CRTAC1: variants seen among roughly 807,000 people sequenced by gnomAD.
CRTAC1 encodes the protein acidic secreted protein in cartilage.
CRTAC1 carries 37 observed loss-of-function variants against 67.8 expected under a neutral mutation model. The ratio of observed to expected loss-of-function variants is 0.55; its 90% CI spans 0.42 to 0.72. The LOEUF is 0.72. Among genes scored for constraint, CRTAC1 ranks in the 30% least tolerant of loss-of-function variants. The pLI, the probability that CRTAC1 is intolerant of heterozygous loss-of-function variation, is 0.00. For synonymous variants in CRTAC1, 348 were observed against 371.0 expected (o/e 0.94, Z 0.71); for missense variants, 780 against 931.6 (o/e 0.84, Z 2.12).
chr10:97,907,997 G>A lies in CRTAC1; in HGVS notation c.850+16C>T. 2 of 1,613,748 alleles carry A rather than the reference G, an allele frequency of 1.2e-6. No individual in the cohort carries two copies. Among genetic ancestry groups the A allele is most frequent in the African/African-American group, 2.7e-5 (2 of 75,040 alleles). On this transcript the variant is annotated intron_variant, in intron 6 of 14. Transcript: ENST00000370597. ...TGAGGGGTCAGGGTGCACAGGGCAT[G>A]GCTGCCTCCACTCACCAGCACTGGC...
intron 11 of CRTAC1, among the ~76,000 whole-genome samples, chr10:97,894,708 TTACATATATATATATATATATATATA>T (rs1173940417): frequency 6.5e-4 from 26 of 39,990 alleles, no homozygotes; most frequent in African/African-American, 1.7e-3. Flanking sequence ...CCTGATGCTT[TTACATATATATATATATATATATATA>T]TATATATATA....
intron 1 of CRTAC1, among the ~76,000 whole-genome samples, chr10:98,017,601 A>G (rs771782901): frequency 1.3e-5 from 2 of 152,016 alleles, no homozygotes; most frequent in Non-Finnish European, 2.9e-5. Flanking sequence ...TAGCATGATC[A>G]TAGCTCACTG....
At chr10:97,935,845 G>A (rs2051077692) in intron 3 of CRTAC1, among the ~76,000 whole-genome samples, 1 of 152,196 alleles carries the variant, frequency 6.6e-6, no homozygotes, top group Non-Finnish European at 1.5e-5. Flanking sequence ...GGGCAGGGCA[G>A]TGGGGCTGGA....
intron 2 of CRTAC1, among the ~76,000 whole-genome samples, chr10:98,007,487 C>T (rs1405735138): frequency 6.6e-6 from 1 of 152,162 alleles, no homozygotes; most frequent in Non-Finnish European, 1.5e-5. Context: ...TGCTTCACAA[C>T]AGCCACAAAG....
chr10:97,886,167 C>T (rs1011778577), intron 11 of CRTAC1, among the ~76,000 whole-genome samples: 1 of 152,148 alleles, frequency 6.6e-6, no homozygotes, highest in East Asian at 1.9e-4. Context: ...GGGGGGAGGA[C>T]CCATGATGAG....
At chr10:97,875,699 C>G (rs2050139629) in intron 14 of CRTAC1, 1 of 152,240 alleles carries the variant, frequency 6.6e-6, no homozygotes, top group African/African-American at 2.4e-5. Flanking sequence ...AAGAACTTGG[C>G]TGGCTCCCTG....
In CRTAC1 at chr10:97,895,829, A is replaced by G; in HGVS notation, c.1317+56T>C. 6.8e-7 allele frequency: 1 copy of G among 1,469,164 alleles called. No individual in the cohort carries two copies. The highest frequency in any genetic ancestry group is 9.5e-7 in the Non-Finnish European group (1 of 1,053,714). The allele number at this position is 1,469,164 out of a possible 1,614,324, so 91.0% of individuals were successfully genotyped here. On this transcript the variant is annotated intron_variant, in intron 10 of 14. Transcript: ENST00000370597. The surrounding 1 kb of genome is among the most constrained non-coding windows in gnomAD (Gnocchi z 4.2). ...CCCGGCACCTTGCCCTCACCAACTC[A>G]AGGTACCCGAGAGCACACAGGGCTG... is the stretch of plus-strand genomic sequence containing the variant.
intron 2 of CRTAC1, among the ~76,000 whole-genome samples, chr10:97,948,108 CA>C (rs34814982): frequency 0.92 from 119,619 of 129,830 alleles, 54,967 homozygotes; most frequent in East Asian, 0.97. Flanking sequence ...TGAATTATTG[CA>C]AAAAAAAAAA....
intron 2 of CRTAC1, among the ~76,000 whole-genome samples, chr10:98,005,230 A>G (rs982873115): frequency 4.1e-5 from 6 of 148,090 alleles, no homozygotes; most frequent in Non-Finnish European, 7.4e-5. Context: ...TCAGGCTCCC[A>G]AGTAGATGGG....
At chr10:97,921,393 A>G (rs1209909242) in intron 4 of CRTAC1, among the ~76,000 whole-genome samples, 1 of 152,146 alleles carries the variant, frequency 6.6e-6, no homozygotes, top group Non-Finnish European at 1.5e-5. Flanking sequence ...GTAAAAAGGC[A>G]TCTTCATTTT....
In CRTAC1 at chr10:97,960,274, G is replaced by C. The variant is rs7086654; in HGVS notation, c.225-23908C>G. On this transcript the variant is annotated intron_variant, in intron 2 of 14. Coordinates refer to ENST00000370597, the MANE Select transcript of CRTAC1 (RefSeq NM_018058.7). ...CATTGTTTGGCACACAGTATTAATA[G>C]ATGGTCAATAAATTGTAGCCCCTCT... Among the ~76,000 whole-genome samples, 906 of 152,336 alleles carry C rather than the reference G, an allele frequency of 5.9e-3. 9 individuals carry two copies. Among genetic ancestry groups the C allele is most frequent in the African/African-American group, 0.02 (836 of 41,574 alleles).
chr10:98,000,993 A>G (rs1331604055), intron 2 of CRTAC1, among the ~76,000 whole-genome samples: 3 of 152,246 alleles, frequency 2.0e-5, no homozygotes, highest in African/African-American at 7.2e-5. Flanking sequence ...TAAGTATGGT[A>G]AAGATAAACC....
At chr10:97,987,442 T>C (rs971360184) in intron 2 of CRTAC1, among the ~76,000 whole-genome samples, 4 of 152,152 alleles carry the variant, frequency 2.6e-5, no homozygotes, top group Non-Finnish European at 5.9e-5. Flanking sequence ...TCTCAATAGG[T>C]TTCAAAAGGA....
chr10:98,006,426 G>A (rs1291867559), intron 2 of CRTAC1, among the ~76,000 whole-genome samples: 1 of 152,158 alleles, frequency 6.6e-6, no homozygotes, highest in East Asian at 1.9e-4. Flanking sequence ...GCCCAGATGT[G>A]CAGAGGATCT....
In CRTAC1 at chr10:97,880,314, C is replaced by A. The variant is rs747070370; in HGVS notation, c.1754G>T (p.Arg585Met). Reference sequence around the variant, plus strand: ...ACTGCACTTCTTGTTGGTCCGGCACCTGTAGCTTCCATAGGTGTTGACACA... The same window carrying A: ...ACTGCACTTCTTGTTGGTCCGGCACATGTAGCTTCCATAGGTGTTGACACA... ...PVCVNTYGSY[R>M]CRTNKKCSRG... Residue 585 changes from arginine to methionine, a missense_variant, in exon 14 of 15, where the codon AGG becomes ATG. Physicochemically the swap from Arg to Met is moderately conservative, Grantham distance 91 (BLOSUM62 -1). Transcript: ENST00000370597. 1 of 1,614,222 alleles carries A rather than the reference C, an allele frequency of 6.2e-7. No individual in the cohort carries two copies. The highest frequency in any genetic ancestry group is 8.5e-7 in the Non-Finnish European group (1 of 1,180,032).
intron 14 of CRTAC1, among the ~76,000 whole-genome samples, chr10:97,874,802 G>C (rs2050128199): frequency 6.6e-6 from 1 of 152,004 alleles, no homozygotes; most frequent in Non-Finnish European, 1.5e-5. Context: ...TCTTTCTCAG[G>C]GAGCCCCCCT....
At chr10:98,024,603 T>C (rs967801862) in intron 1 of CRTAC1, among the ~76,000 whole-genome samples, 12 of 152,224 alleles carry the variant, frequency 7.9e-5, no homozygotes, top group African/African-American at 2.9e-4. Flanking sequence ...GCCAGGGTAC[T>C]GGAATTTTTC....
At chr10:97,994,870 A>T (rs1842525548) in intron 2 of CRTAC1, among the ~76,000 whole-genome samples, 1 of 152,208 alleles carries the variant, frequency 6.6e-6, no homozygotes, top group Non-Finnish European at 1.5e-5. Context: ...AGGCCCAAGG[A>T]GCAGATCCGG....
intron 2 of CRTAC1, among the ~76,000 whole-genome samples, chr10:97,996,925 G>A (rs181539122): frequency 0.014 from 2,060 of 152,166 alleles, 59 homozygotes; most frequent in African/African-American, 0.046. Context: ...ATGAGTTCAT[G>A]TCCTTTGTAG....
Sources: allele counts gnomAD v4.1 joint callset (sites outside exome capture counted in the v4.1 genomes callset), GRCh38; gene constraint gnomAD v4.1.1; non-coding constraint Gnocchi (gnomAD v3.1); transcripts MANE v1.5; gene names NCBI Gene and HGNC (gene_info 2026-07-23, HGNC 2026-07-21).